ZSCAN21: variants seen among roughly 807,000 people sequenced by gnomAD.
ZSCAN21 encodes the protein zinc finger and SCAN domain-containing protein 21.
ZSCAN21 carries 26 observed loss-of-function variants against 35.6 expected under a neutral mutation model. That is an observed-to-expected ratio of 0.73 (90% CI 0.54 to 1.01). The LOEUF is 1.01. Ranked by LOEUF, ZSCAN21 falls within the 50% of genes least tolerant of loss-of-function variation. The pLI, the probability that ZSCAN21 is intolerant of heterozygous loss-of-function variation, is 0.00. For synonymous variants in ZSCAN21, 219 were observed against 219.3 expected (o/e 1.00, Z 0.01); for missense variants, 593 against 587.1 (o/e 1.01, Z -0.10).
intron 1 of ZSCAN21, among the ~76,000 whole-genome samples, chr7:100,050,873 A>C (rs1479254426): frequency 6.6e-6 from 1 of 151,856 alleles, no homozygotes; most frequent in Admixed American, 6.6e-5. Flanking sequence ...GGATTTTTGA[A>C]ATGATGCGGA....
At chr7:100,063,259 G>A (rs1359403169) in intron 3 of ZSCAN21, among the ~76,000 whole-genome samples, 3 of 152,194 alleles carry the variant, frequency 2.0e-5, no homozygotes, top group Non-Finnish European at 4.4e-5. Flanking sequence ...AAAAAGCCAC[G>A]TTCTCTTCAC....
In ZSCAN21 at chr7:100,062,121, A is replaced by C. The variant is rs1296040354; in HGVS notation, c.593-1667A>C. Among the ~76,000 whole-genome samples the C allele has an allele frequency of 5.3e-5, 8 of 152,090 alleles. No individual in the cohort carries two copies. In the South Asian group the frequency reaches 1.7e-3, roughly 32 times the overall value. Reference sequence around the variant, plus strand: ...GGCGGGAATGATTGTAAATGGTCAGAATGCCCTCTGATTGCTTTTATGTTC... The same window carrying C: ...GGCGGGAATGATTGTAAATGGTCAGCATGCCCTCTGATTGCTTTTATGTTC... On this transcript the variant is annotated intron_variant, in intron 3 of 3. Coordinates refer to ENST00000292450, the MANE Select transcript of ZSCAN21 (RefSeq NM_145914.3).
chr7:100,061,641 G>A (rs998227949), intron 3 of ZSCAN21, among the ~76,000 whole-genome samples: 2 of 152,192 alleles, frequency 1.3e-5, no homozygotes, highest in African/African-American at 2.4e-5. Context: ...GAGTGTGAAG[G>A]ACTTCAGCTG....
chr7:100,049,802 C>A lies in ZSCAN21; in HGVS notation c.-136C>A, dbSNP rs1357316748. 1 of 152,266 alleles carries A rather than the reference C, an allele frequency of 6.6e-6. No individual in the cohort carries two copies. The highest frequency in any genetic ancestry group is 1.5e-5 in the Non-Finnish European group (1 of 68,066). 9.4% of individuals were successfully genotyped at this position (152,266 alleles called of 1,614,324 possible). A position where few individuals can be genotyped will look rare whatever the true frequency, so the allele number is the denominator to read the frequency against. On this transcript the variant is annotated 5_prime_UTR_variant, in exon 1 of 4. Transcript: ENST00000292450. The stretch of plus-strand genomic sequence containing the variant: ...TCCGGGTGCGCGGTCCCGAGGTACG[C>A]GGTGCGGTCTCCCGGTACCCGGAGC...
In ZSCAN21 at chr7:100,063,938, A is replaced by T; in HGVS notation, c.743A>T (p.Lys248Ile). 6.2e-7 allele frequency: 1 copy of T among 1,614,124 alleles called. No homozygotes were observed. The highest frequency in any genetic ancestry group is 8.5e-7 in the Non-Finnish European group (1 of 1,180,016). The change falls in exon 4 of 4, where the codon AAA (lysine) becomes ATA (isoleucine). Residue 248 changes from lysine to isoleucine, a missense_variant. Physicochemically the swap from Lys to Ile is moderately radical, Grantham distance 102. Transcript: ENST00000292450. ...ERQCVNLENE[K>I]GTKPPLQEAG... ...CAGTGCGTAAACCTTGAAAATGAAAAAGGAACAAAACCCCCTCTTCAAGAG... is the reference window on the plus strand; with the variant it reads ...CAGTGCGTAAACCTTGAAAATGAAATAGGAACAAAACCCCCTCTTCAAGAG...
chr7:100,063,047 C>A (rs1166277486), intron 3 of ZSCAN21, among the ~76,000 whole-genome samples: 5 of 152,108 alleles, frequency 3.3e-5, no homozygotes, highest in African/African-American at 1.2e-4. Context: ...GCACACCATG[C>A]CCACCTAATT....
At position 100,064,022 on chromosome 7, in the gene ZSCAN21, G is replaced by A. The variant is rs771879111; in HGVS notation, c.827G>A (p.Arg276His). 8.7e-6 allele frequency: 14 copies of A among 1,614,030 alleles called. No individual in the cohort carries two copies. The highest frequency in any genetic ancestry group is 4.0e-5 in the African/African-American group (3 of 74,928). ...ACTAAACCTACCCCAGGAGAGAGAC[G>A]TTATATATGTGCTGAATGTGGCAAA... ...VPTKPTPGERRYICAECGKAF... is the reference protein window; with the variant it reads ...VPTKPTPGERHYICAECGKAF... Residue 276 changes from arginine (R) to histidine (H), a missense_variant, in exon 4 of 4, where the codon CGT becomes CAT. By Grantham distance (29) the Arg-to-His change is conservative. Coordinates refer to ENST00000292450, the MANE Select transcript of ZSCAN21 (RefSeq NM_145914.3).
rs886986589 is a variant in ZSCAN21, at chr7:100,064,707, G to A, written c.*90G>A. 26 of 1,607,910 alleles carry A rather than the reference G, an allele frequency of 1.6e-5. No homozygotes were observed. Among genetic ancestry groups the A allele is most frequent in the South Asian group, 9.9e-5 (9 of 90,648 alleles). Reference sequence around the variant, plus strand: ...TTGTCATTGCAGCAGCATCGATTCCGGTGATAGAGTTTGTATCACTCAACA... The same window carrying A: ...TTGTCATTGCAGCAGCATCGATTCCAGTGATAGAGTTTGTATCACTCAACA... On this transcript the variant is annotated 3_prime_UTR_variant, in exon 4 of 4. Coordinates refer to ENST00000292450, the MANE Select transcript of ZSCAN21 (RefSeq NM_145914.3).
Position 100,063,797 on chromosome 7 carries a change from T to G in ZSCAN21, c.602T>G (p.Leu201Trp), listed in dbSNP as rs1229518578. 1.9e-6 allele frequency: 3 copies of G among 1,603,690 alleles called. No homozygotes were observed. The South Asian group carries it at 3.4e-5, about 18-fold the overall frequency. Residue 201 changes from leucine to tryptophan, a missense_variant, in exon 4 of 4, where the codon TTG becomes TGG. Coordinates refer to ENST00000292450, the MANE Select transcript of ZSCAN21 (RefSeq NM_145914.3). ...QDPRKVRDCRLSTQHEESADE... is the reference protein window; with the variant it reads ...QDPRKVRDCRWSTQHEESADE... ...CTGCTTATTGTTTCAGATTGCAGATTGAGTACCCAGCACGAGGAATCAGCA... is the reference window on the plus strand; with the variant it reads ...CTGCTTATTGTTTCAGATTGCAGATGGAGTACCCAGCACGAGGAATCAGCA...
rs117287637 is a variant in ZSCAN21 at position 100,050,157 on chromosome 7, G to C, written c.-97+316G>C. ...CCCAAGCCAAGCCGTCTATCAGTCT[G>C]ACCGTGGCCGCCTTTTTTCCCTTTC... On this transcript the variant is annotated intron_variant, in intron 1 of 3. Coordinates refer to ENST00000292450, the MANE Select transcript of ZSCAN21 (RefSeq NM_145914.3). 3.9e-3 allele frequency among the ~76,000 whole-genome samples: 595 copies of C among 152,304 alleles called. 5 individuals are homozygous for C. Among genetic ancestry groups the C allele is most frequent in the Non-Finnish European group, 6.4e-3 (435 of 68,028 alleles).
intron 1 of ZSCAN21, among the ~76,000 whole-genome samples, chr7:100,055,945 CTCT>C (rs1792059468): frequency 8.1e-6 from 1 of 123,696 alleles, no homozygotes; most frequent in Non-Finnish European, 1.7e-5. Context: ...CCCGGCCCTC[CTCT>C]TTTTTTTTTT....
chr7:100,055,883 C>G (rs1314562442), intron 1 of ZSCAN21, among the ~76,000 whole-genome samples: 1 of 149,036 alleles, frequency 6.7e-6, no homozygotes, highest in Non-Finnish European at 1.5e-5. Context: ...ACCTCGTGAT[C>G]CGCCCGCCTT....
At chr7:100,055,226 G>C (rs1792033240) in intron 1 of ZSCAN21, among the ~76,000 whole-genome samples, 1 of 150,760 alleles carries the variant, frequency 6.6e-6, no homozygotes, top group Non-Finnish European at 1.5e-5. Flanking sequence ...AAAGTGCTGG[G>C]ATTACAGATG....
intron 1 of ZSCAN21, among the ~76,000 whole-genome samples, chr7:100,053,519 T>TTACATACATACTATACA: frequency 9.8e-6 from 1 of 101,842 alleles, no homozygotes; most frequent in Non-Finnish European, 2.0e-5. Context: ...AGGAGGGCTC[T>TTACATACATACTATACA]TACATACATA....
intron 3 of ZSCAN21, among the ~76,000 whole-genome samples, chr7:100,059,624 C>T (rs1457858845): frequency 6.8e-6 from 1 of 147,614 alleles, no homozygotes; most frequent in Non-Finnish European, 1.5e-5. Flanking sequence ...GCAATCTCGG[C>T]TCAGTGCAAC....
chr7:100,057,790 G>A lies in ZSCAN21; in HGVS notation c.492G>A (p.Gln164=). The A allele has an allele frequency of 1.9e-6, 3 of 1,614,136 alleles. No individual in the cohort carries two copies. The highest frequency in any genetic ancestry group is 2.5e-6 in the Non-Finnish European group (3 of 1,180,040). The part of the protein sequence containing the change: ...AKESPSSMQP[Q]PLETSHKYES... ...AATCCCCGAGCAGCATGCAGCCACAGCCCTTGGAGACCAGTCACAAATACG... is the reference window on the plus strand; with the variant it reads ...AATCCCCGAGCAGCATGCAGCCACAACCCTTGGAGACCAGTCACAAATACG... The change falls in exon 3 of 4, where the codon CAG becomes CAA. Residue 164 remains glutamine, a synonymous_variant. Transcript: ENST00000292450.
At chr7:100,049,919 G>C (rs1015973183) in intron 1 of ZSCAN21, 78 bp downstream of exon 1, 1 of 152,474 alleles carries the variant, frequency 6.6e-6, no homozygotes, top group Non-Finnish European at 1.5e-5. Flanking sequence ...GGGAGGAGTG[G>C]GTTTAGCAGC....
Position 100,064,146 on chromosome 7 carries a change from C to T in ZSCAN21, c.951C>T (p.Ser317=), listed in dbSNP as rs1463952581. The T allele has an allele frequency of 1.2e-6, 2 of 1,614,102 alleles. No individual in the cohort carries two copies. The highest frequency in any genetic ancestry group is 8.5e-7 in the Non-Finnish European group (1 of 1,180,026). ...AGTGTGGGAAAGCTTTCAGCCACAG[C>T]TCAAACCTCACCCTCCACTACAGAA... The part of the protein sequence containing the change: ...CTKCGKAFSH[S]SNLTLHYRTH... Residue 317 remains serine, a synonymous_variant, in exon 4 of 4, where the codon AGC becomes AGT. Coordinates refer to ENST00000292450, the MANE Select transcript of ZSCAN21 (RefSeq NM_145914.3).
rs746684643 is a variant in ZSCAN21, at chr7:100,057,855, A to C, written c.557A>C (p.Glu186Ala). The C allele has an allele frequency of 6.2e-7, 1 of 1,612,394 alleles. No homozygotes were observed. The highest frequency in any genetic ancestry group is 8.5e-7 in the Non-Finnish European group (1 of 1,179,320). Residue 186 changes from glutamate to alanine, a missense_variant, in exon 3 of 4, where the codon GAG becomes GCG. Coordinates refer to ENST00000292450, the MANE Select transcript of ZSCAN21 (RefSeq NM_145914.3). Reference sequence around the variant, plus strand: ...CTGTACATCCAAGAGTCTGGTGAGGAGCAGGAGTTCGCTCAAGATCCAAGA... The same window carrying C: ...CTGTACATCCAAGAGTCTGGTGAGGCGCAGGAGTTCGCTCAAGATCCAAGA... ...GPLYIQESGE[E>A]QEFAQDPRKV...
Sources: allele counts gnomAD v4.1 joint callset (sites outside exome capture counted in the v4.1 genomes callset), GRCh38; gene constraint gnomAD v4.1.1; transcripts MANE v1.5; gene names NCBI Gene and HGNC (gene_info 2026-07-23, HGNC 2026-07-21).